Variants in ZWILCH observed in about 807,000 individuals in gnomAD.
The protein encoded by ZWILCH is zwilch kinetochore protein.
Under a neutral mutation model 79.9 loss-of-function variants are expected in ZWILCH, and 74 were observed. The ratio of observed to expected loss-of-function variants is 0.93; its 90% CI spans 0.77 to 1.12. ZWILCH has a LOEUF of 1.12. ZWILCH is among the 50% of genes most tolerant of loss of function. The pLI is 0.00. For synonymous variants in ZWILCH, 241 were observed against 228.2 expected (o/e 1.06, Z -0.51); for missense variants, 694 against 687.5 (o/e 1.01, Z -0.11).
intron 3 of ZWILCH, among the ~76,000 whole-genome samples, chr15:66,515,046 A>G (rs750723723): frequency 2.0e-5 from 3 of 151,866 alleles, no homozygotes; most frequent in Non-Finnish European, 2.9e-5. Flanking sequence ...AGCTCAAGCA[A>G]TCCTTCCACC....
At chr15:66,529,004 T>G in intron 11 of ZWILCH, 47 bp downstream of exon 11, 1 of 1,483,626 alleles carries the variant, frequency 6.7e-7, no homozygotes, top group Middle Eastern at 1.7e-4. Flanking sequence ...TTCTTAGGTT[T>G]ATTTTTAAGT....
intron 17 of ZWILCH, among the ~76,000 whole-genome samples, chr15:66,543,093 G>T (rs1396749367): frequency 3.3e-5 from 5 of 152,174 alleles, no homozygotes; most frequent in African/African-American, 9.7e-5. Flanking sequence ...CAGCTACTTG[G>T]GATGCTGAGT....
chr15:66,541,752 T>G (rs80083181), intron 17 of ZWILCH, among the ~76,000 whole-genome samples: 7,551 of 152,302 alleles, frequency 0.05, 305 homozygotes, highest in East Asian at 0.2. Flanking sequence ...TTAAATGCCT[T>G]CATTTAAATA....
At chr15:66,524,767 G>A (rs994989792) in intron 8 of ZWILCH, among the ~76,000 whole-genome samples, 23 of 152,108 alleles carry the variant, frequency 1.5e-4, no homozygotes, top group Admixed American at 1.4e-3. Context: ...CTATGAGTAA[G>A]TATTATTTCT....
chr15:66,521,118 A>T lies in ZWILCH; in HGVS notation c.660A>T (p.Ala220=), dbSNP rs576238631. The T allele has an allele frequency of 6.2e-7, 1 of 1,614,222 alleles. No individual in the cohort carries two copies. The highest frequency in any genetic ancestry group is 1.1e-5 in the South Asian group (1 of 91,086). Residue 220 remains alanine, a synonymous_variant, in exon 7 of 19, where the codon GCA becomes GCT. Transcript: ENST00000307897. ...KSSALDDTIT[A]SQTAIALDIS... Reference sequence around the variant, plus strand: ...CTGCCTTGGATGATACAATCACAGCATCACAAACTGCGATCGCTTTGGATA... The same window carrying T: ...CTGCCTTGGATGATACAATCACAGCTTCACAAACTGCGATCGCTTTGGATA...
intron 16 of ZWILCH, among the ~76,000 whole-genome samples, chr15:66,538,245 C>T (rs1011365517): frequency 1.3e-5 from 2 of 152,182 alleles, no homozygotes; most frequent in African/African-American, 4.8e-5. Flanking sequence ...TCTCATCACT[C>T]CCCCTGAAAT....
chr15:66,527,436 A>G, intron 9 of ZWILCH, 53 bp downstream of exon 9: 1 of 1,391,938 alleles, frequency 7.2e-7, no homozygotes, highest in Non-Finnish European at 1.0e-6. Context: ...GTTTAAATAT[A>G]AGTTTCTCTT....
In ZWILCH at chr15:66,531,530, G is replaced by A. The variant is rs143501657; in HGVS notation, c.1156-717G>A. Among the ~76,000 whole-genome samples, 447 of 151,820 alleles carry A rather than the reference G, an allele frequency of 2.9e-3. 8 individuals carry two copies. The highest frequency in any genetic ancestry group is 0.016 in the East Asian group (83 of 5,140). Reference sequence around the variant, plus strand: ...GGCTGGAGTGCAGTGCTGTGATCTCGGCTCACTGCAGCCTCTGCCTCCCAG... The same window carrying A: ...GGCTGGAGTGCAGTGCTGTGATCTCAGCTCACTGCAGCCTCTGCCTCCCAG... On this transcript the variant is annotated intron_variant, in intron 12 of 18. Transcript: ENST00000307897.
intron 5 of ZWILCH, 51 bp from the exon 6 acceptor site, chr15:66,520,539 C>A: frequency 1.1e-6 from 1 of 925,202 alleles, no homozygotes; most frequent in Non-Finnish European, 1.7e-6. Context: ...GTAGCTCTGA[C>A]AATGTAATTT....
In ZWILCH at chr15:66,528,887, C is replaced by T. The variant is rs758307853; in HGVS notation, c.1005C>T (p.Ser335=). The change falls in exon 11 of 19, where the codon TCC becomes TCT. Residue 335 remains serine (S), a synonymous_variant. Transcript: ENST00000307897. The part of the protein sequence containing the change: ...LKHDTAAVDR[S]VKRLFKVRSD... Reference sequence around the variant, plus strand: ...ATGACACTGCTGCAGTCGATCGTTCCGTCAAGCGTCTTTTCAAAGTTCGGA... The same window carrying T: ...ATGACACTGCTGCAGTCGATCGTTCTGTCAAGCGTCTTTTCAAAGTTCGGA... The T allele has an allele frequency of 3.1e-6, 5 of 1,614,040 alleles. No homozygotes were observed. Among genetic ancestry groups the T allele is most frequent in the South Asian group, 1.1e-5 (1 of 91,080 alleles).
chr15:66,547,572 T>G (rs889527094), intron 18 of ZWILCH: 1 of 152,150 alleles, frequency 6.6e-6, no homozygotes, highest in Non-Finnish European at 1.5e-5. Context: ...AAGACGATAT[T>G]GAGTTACCTA....
chr15:66,527,978 T>A (rs1255855738), intron 10 of ZWILCH, 66 bp downstream of exon 10: 1 of 1,366,650 alleles, frequency 7.3e-7, no homozygotes, highest in African/African-American at 1.5e-5. Flanking sequence ...TATGCTGACA[T>A]CTTTCATGTT....
At chr15:66,519,420 T>G (rs1457237297) in intron 5 of ZWILCH, among the ~76,000 whole-genome samples, 1 of 152,210 alleles carries the variant, frequency 6.6e-6, no homozygotes, top group African/African-American at 2.4e-5. Flanking sequence ...GGTAGTAGTA[T>G]TGACCTTCAT....
chr15:66,521,998 G>A (rs535629745), intron 7 of ZWILCH, among the ~76,000 whole-genome samples: 4 of 152,080 alleles, frequency 2.6e-5, no homozygotes, highest in Non-Finnish European at 5.9e-5. Flanking sequence ...AGGAGTTCAA[G>A]ACCAGCCTGA....
intron 4 of ZWILCH, among the ~76,000 whole-genome samples, chr15:66,517,430 G>GTGTGTGTGTGTGTGTGTGTGTGTATATA: frequency 1.5e-5 from 1 of 66,526 alleles, no homozygotes; most frequent in Non-Finnish European, 2.9e-5. Flanking sequence ...GTGTGTGTGT[G>GTGTGTGTGTGTGTGTGTGTGTGTATATA]TATATATATA....
At chr15:66,514,114 A>C in intron 3 of ZWILCH, 31 bp downstream of exon 3, 1 of 1,512,888 alleles carries the variant, frequency 6.6e-7, no homozygotes, top group South Asian at 1.2e-5. Flanking sequence ...GTGGTTGTTT[A>C]ATTCTCCATA....
chr15:66,517,455 T>TATATATATATATAGAG lies in ZWILCH; in HGVS notation c.321-1423_321-1422insTATATATATATAGAGA, dbSNP rs1180456312. Among the ~76,000 whole-genome samples, 9 of 115,206 alleles carry TATATATATATATAGAG rather than the reference T, an allele frequency of 7.8e-5. No individual in the cohort carries two copies. The South Asian group carries it at 8.8e-4, about 11-fold the overall frequency. The allele number at this position is 115,206 out of a possible 152,430, so 75.6% of individuals were successfully genotyped here. A position where few individuals can be genotyped will look rare whatever the true frequency, so the allele number is the denominator to read the frequency against. On this transcript the variant is annotated intron_variant, in intron 4 of 18. Transcript: ENST00000307897. ...GTATATATATATATATATATATATATAGTAATGTACACACATACACCATTT... is the reference window on the plus strand; with the variant it reads ...GTATATATATATATATATATATATATATATATATATATAGAGAGTAATGTACACACATACACCATTT...
rs759946339 is a variant in ZWILCH, at chr15:66,521,187, C to T, written c.729C>T (p.Leu243=). The T allele has an allele frequency of 6.2e-7, 1 of 1,612,296 alleles. No homozygotes were observed. Among genetic ancestry groups the T allele is most frequent in the Non-Finnish European group, 8.5e-7 (1 of 1,180,022 alleles). The part of the protein sequence containing the change: ...PVDEILQIPP[L]SSTATLNIKV... ...ATGAGATTCTTCAAATCCCTCCACT[C>T]TCTTCAACTGCAACTCTGGTAAGAG... The change falls in exon 7 of 19, where the codon CTC becomes CTT. Residue 243 remains leucine (L), a synonymous_variant. Transcript: ENST00000307897.
intron 1 of ZWILCH, among the ~76,000 whole-genome samples, chr15:66,507,958 C>G (rs1241806936): frequency 6.8e-6 from 1 of 147,240 alleles, no homozygotes; most frequent in Admixed American, 6.8e-5. Context: ...AAAAAAAAGA[C>G]TGATTAAATA....
Sources: gnomAD v4.1 joint callset for allele counts (sites outside exome capture counted in the v4.1 genomes callset) on GRCh38, gnomAD v4.1.1 for gene constraint, MANE v1.5 for transcripts, NCBI Gene and HGNC (gene_info 2026-07-23, HGNC 2026-07-21) for gene names.